Variants in LARP1 observed in about 807,000 individuals in gnomAD.
LARP1 encodes the protein La ribonucleoprotein 1, translational regulator.
In LARP1, 36 loss-of-function variants were observed where a neutral mutation model predicts 122.7. That is an observed-to-expected ratio of 0.29 (90% CI 0.22 to 0.39). The LOEUF is 0.39. Ranked by LOEUF, LARP1 falls within the 10% of genes least tolerant of loss-of-function variation. The pLI is 1.00. For synonymous variants in LARP1, 539 were observed against 528.7 expected, an observed-to-expected ratio of 1.02 and a Z score of -0.27; for missense variants, 1,040 against 1,403.6, an observed-to-expected ratio of 0.74 and a Z score of 4.14.
chr5:154,701,099 G>A (rs1316342052), intron 1 of LARP1, among the ~76,000 whole-genome samples: 2 of 152,166 alleles, frequency 1.3e-5, no homozygotes, highest in Non-Finnish European at 2.9e-5. Flanking sequence ...GTGAGCCACT[G>A]TGCTCGCTCT....
chr5:154,744,165 G>A (rs1440765013), intron 1 of LARP1, among the ~76,000 whole-genome samples: 2 of 152,046 alleles, frequency 1.3e-5, no homozygotes, highest in East Asian at 1.9e-4. Context: ...AAACATATGC[G>A]AAGGTCACCA....
In LARP1 at chr5:154,756,039, G is replaced by C. The variant is rs1753854803; in HGVS notation, c.282G>C (p.Glu94Asp). ...GCCCGGCCATCAGCGACGGGGAGGA[G>C]GGCGGCGGCGAGCCAGGCGCTGGCG... ...AEGPAISDGE[E>D]GGGEPGAGGG... The change falls in exon 1 of 19, where the codon GAG becomes GAC. Residue 94 changes from glutamate (E) to aspartate (D), a missense_variant. This residue lies in a region of LARP1 where 257 missense variants were observed against 273.3 expected (regional missense o/e 0.94). Coordinates refer to ENST00000518297, the MANE Select transcript of LARP1 (RefSeq NM_033551.3). 1 of 1,067,900 alleles carries C rather than the reference G, an allele frequency of 9.4e-7. No individual in the cohort carries two copies. The allele number at this position is 1,067,900 out of a possible 1,614,324, so 66.2% of individuals were successfully genotyped here. A position where few individuals can be genotyped will look rare whatever the true frequency, so the allele number is the denominator to read the frequency against.
rs894453290 is a variant in LARP1, at chr5:154,740,130, G to C, written c.205+27000G>C. On this transcript the variant is annotated intron_variant, in intron 1 of 18. Coordinates refer to the LARP1 transcript ENST00000336314. Reference sequence around the variant, plus strand: ...AAAATAGCTGGGCGCGGTGGCTCATGCCTGTAATCCCAGCACCTTGGGAGG... The same window carrying C: ...AAAATAGCTGGGCGCGGTGGCTCATCCCTGTAATCCCAGCACCTTGGGAGG... 3.8e-4 allele frequency among the ~76,000 whole-genome samples: 58 copies of C among 150,742 alleles called. No homozygotes were observed. The East Asian group carries it at 0.011, about 28-fold the overall frequency.
upstream of LARP1, among the ~76,000 whole-genome samples, chr5:154,710,433 G>C (rs1294020316): frequency 6.6e-6 from 1 of 151,882 alleles, no homozygotes; most frequent in Non-Finnish European, 1.5e-5. Flanking sequence ...TCAATATAGT[G>C]AGACCCTATC....
upstream of LARP1, among the ~76,000 whole-genome samples, chr5:154,753,641 T>G (rs567345768): frequency 2.6e-5 from 4 of 152,314 alleles, no homozygotes; most frequent in African/African-American, 9.6e-5. Context: ...GACCTTCACA[T>G]GAGCTCAGAG....
upstream of LARP1, among the ~76,000 whole-genome samples, chr5:154,708,075 C>T (rs527793762): frequency 2.7e-3 from 406 of 152,288 alleles, 1 homozygote; most frequent in African/African-American, 9.3e-3. Flanking sequence ...TCCATTCCTT[C>T]CCAGTTCGGG....
At chr5:154,744,547 T>C (rs1424960626) in intron 1 of LARP1, among the ~76,000 whole-genome samples, 1 of 149,968 alleles carries the variant, frequency 6.7e-6, no homozygotes, top group Non-Finnish European at 1.5e-5. Context: ...TGGGCTGAAA[T>C]TGGCCAGAGG....
chr5:154,771,016 G>T (rs1036644026), intron 1 of LARP1, among the ~76,000 whole-genome samples: 3 of 151,954 alleles, frequency 2.0e-5, no homozygotes, highest in Admixed American at 1.3e-4. Context: ...GGTGGCTGAG[G>T]TGAGAGAGTC....
At chr5:154,756,367 C>G (rs1181266195) in intron 1 of LARP1, 174 bp downstream of exon 1, 23 of 979,368 alleles carry the variant, frequency 2.3e-5, no homozygotes, top group Non-Finnish European at 2.7e-5. Flanking sequence ...CCACCGTACA[C>G]TCAGGGACCT....
intron 1 of LARP1, among the ~76,000 whole-genome samples, chr5:154,757,836 C>T (rs1185142220): frequency 2.1e-5 from 1 of 47,200 alleles, no homozygotes; most frequent in East Asian, 8.7e-4. Context: ...TCCCCTTCCC[C>T]CCTGCTCCCC....
chr5:154,793,945 T>C lies in LARP1; in HGVS notation c.1014T>C (p.Arg338=). The C allele has an allele frequency of 6.2e-7, 1 of 1,613,558 alleles. No homozygotes were observed. The stretch of plus-strand genomic sequence containing the variant: ...CTGGTGGGGCGCGGGCTTCCTTCCG[T>C]GGCCGTGGACGGGGGCGTGGTCGCG... The part of the protein sequence containing the change: ...DGAGGARASF[R]GRGRGRGRGR... The change falls in exon 6 of 19, where the codon CGT becomes CGC. Residue 338 remains arginine (R), a synonymous_variant. Transcript: ENST00000518297.
chr5:154,730,242 G>A (rs1192012840), intron 1 of LARP1, among the ~76,000 whole-genome samples: 1 of 152,018 alleles, frequency 6.6e-6, no homozygotes, highest in East Asian at 1.9e-4. Flanking sequence ...AGGCTGGAGT[G>A]CAGTGGTGCG....
intron 1 of LARP1, among the ~76,000 whole-genome samples, chr5:154,735,362 G>C (rs1285244257): frequency 6.6e-6 from 1 of 151,756 alleles, no homozygotes; most frequent in Non-Finnish European, 1.5e-5. Flanking sequence ...TAAGGCAGTA[G>C]AACTGCTTGA....
chr5:154,779,891 C>T (rs1164644545), intron 1 of LARP1, among the ~76,000 whole-genome samples: 6 of 152,224 alleles, frequency 3.9e-5, no homozygotes, highest in East Asian at 3.9e-4. Context: ...TGGGGCAGCA[C>T]CCTGGCTGCT....
At chr5:154,761,636 C>G (rs1421420999) in intron 1 of LARP1, among the ~76,000 whole-genome samples, 2 of 152,176 alleles carry the variant, frequency 1.3e-5, no homozygotes, top group Non-Finnish European at 2.9e-5. Context: ...AAAAACCTCC[C>G]TGGCTGGTCC....
At chr5:154,784,965 C>T (rs1756766153) in intron 1 of LARP1, among the ~76,000 whole-genome samples, 1 of 152,212 alleles carries the variant, frequency 6.6e-6, no homozygotes, top group Non-Finnish European at 1.5e-5. Flanking sequence ...TTTTCCTTTT[C>T]TGTTCTGAGT....
chr5:154,747,632 G>A (rs962939613), intron 1 of LARP1, among the ~76,000 whole-genome samples: 1 of 152,066 alleles, frequency 6.6e-6, no homozygotes, highest in African/African-American at 2.4e-5. Context: ...GGGAGGCGGA[G>A]GTTGCGGCAG....
chr5:154,802,536 GA>G lies in LARP1; in HGVS notation c.2109+138del. The G allele has an allele frequency of 9.5e-7, 1 of 1,054,040 alleles. No homozygotes were observed. Among genetic ancestry groups the G allele is most frequent in the Non-Finnish European group, 1.3e-6 (1 of 757,162 alleles). The allele number at this position is 1,054,040 out of a possible 1,614,324, so 65.3% of individuals were successfully genotyped here. On this transcript the variant is annotated intron_variant, in intron 11 of 18. Transcript: ENST00000518297. This position sits in a 1 kb window ranked among gnomAD's most constrained non-coding sequence, Gnocchi z 5.1. ...TCAGGATTTTTATATATGGGAAGGG[GA>G]TGATGACTGACATCTAGCTTGGGCA...
At chr5:154,731,790 G>T (rs1224265747) in intron 1 of LARP1, among the ~76,000 whole-genome samples, 2 of 152,126 alleles carry the variant, frequency 1.3e-5, no homozygotes, top group Non-Finnish European at 2.9e-5. Context: ...AGCACTTTGG[G>T]AGGCTGAGGC....
Sources: allele counts gnomAD v4.1 joint callset (sites outside exome capture counted in the v4.1 genomes callset), GRCh38; gene constraint gnomAD v4.1.1; regional missense constraint gnomAD v4.1.1; non-coding constraint Gnocchi (gnomAD v3.1); transcripts MANE v1.5; gene names NCBI Gene and HGNC (gene_info 2026-07-23, HGNC 2026-07-21).